The following HCFC2 variants were observed in gnomAD, a reference collection of about 807,000 sequenced individuals.
HCFC2 encodes the protein host cell factor C2.
In HCFC2, 18 loss-of-function variants were observed where a neutral mutation model predicts 89.2. The ratio of observed to expected loss-of-function variants is 0.20; its 90% confidence interval spans 0.14 to 0.30. The LOEUF (loss-of-function observed/expected upper bound fraction) is 0.30, where lower values mean the gene tolerates loss of function less well. Among genes scored for constraint, HCFC2 ranks in the 10% least tolerant of loss-of-function variants. HCFC2 has a pLI of 1.00. For synonymous variants in HCFC2, 308 were observed against 335.7 expected (o/e 0.92, Z 0.90); for missense variants, 578 against 956.1 (o/e 0.60, Z 5.21).
chr12:104,091,339 T>A (rs1037501536), intron 9 of HCFC2, among the ~76,000 whole-genome samples: 1 of 152,166 alleles, frequency 6.6e-6, no homozygotes, highest in East Asian at 1.9e-4. Flanking sequence ...AGCGTTTTCT[T>A]GTACTCTGCA....
intron 3 of HCFC2, among the ~76,000 whole-genome samples, chr12:104,073,394 A>C (rs1288094049): frequency 6.6e-6 from 1 of 151,052 alleles, no homozygotes; most frequent in Admixed American, 6.6e-5. Flanking sequence ...CGAACTCCTG[A>C]CCTCATGATC....
At chr12:104,085,131 CT>C (rs1352751224) in intron 7 of HCFC2, among the ~76,000 whole-genome samples, 1 of 152,042 alleles carries the variant, frequency 6.6e-6, no homozygotes, top group African/African-American at 2.4e-5. Flanking sequence ...AAATAGAAAA[CT>C]TGGAAGGACA....
At position 104,066,267 on chromosome 12, in the gene HCFC2, G is replaced by T. The variant is rs772892790; in HGVS notation, c.264G>T (p.Gly88=). 1 of 1,610,840 alleles carries T rather than the reference G, an allele frequency of 6.2e-7. No homozygotes were observed. Among genetic ancestry groups the T allele is most frequent in the Non-Finnish European group, 8.5e-7 (1 of 1,178,410 alleles). Residue 88 remains glycine (G), a synonymous_variant, in exon 2 of 15, where the codon GGG becomes GGT. Transcript: ENST00000229330. Reference sequence around the variant, plus strand: ...ATGGTACCAGAATATTAGTATTTGGGGGAATGGTTGAATATGGAAGATACA... The same window carrying T: ...ATGGTACCAGAATATTAGTATTTGGTGGAATGGTTGAATATGGAAGATACA... ...VCDGTRILVF[G]GMVEYGRYSN... is the part of the protein sequence containing the mutation.
At chr12:104,069,309 AAAACAAAC>A (rs764052376) in intron 3 of HCFC2, among the ~76,000 whole-genome samples, 1 of 152,170 alleles carries the variant, frequency 6.6e-6, no homozygotes, top group African/African-American at 2.4e-5. Context: ...TTATCTTAAA[AAAACAAAC>A]AAACAAACAA....
intron 13 of HCFC2, among the ~76,000 whole-genome samples, chr12:104,100,638 T>C (rs2029909370): frequency 6.6e-6 from 1 of 152,160 alleles, no homozygotes; most frequent in Non-Finnish European, 1.5e-5. Flanking sequence ...GATGTTCATT[T>C]TGAATCTCCC....
In HCFC2 at chr12:104,082,992, C is replaced by G. The variant is rs1359688030; in HGVS notation, c.1063+91C>G. On this transcript the variant is annotated intron_variant, in intron 7 of 14. Coordinates refer to ENST00000229330, the MANE Select transcript of HCFC2 (RefSeq NM_013320.3). Reference sequence around the variant, plus strand: ...AGACTTACTGTAAATGCTACTACCTCTTGTTTCCCATAATTAAGTATGAAT... The same window carrying G: ...AGACTTACTGTAAATGCTACTACCTGTTGTTTCCCATAATTAAGTATGAAT... 3 of 849,610 alleles carry G rather than the reference C, an allele frequency of 3.5e-6. No individual in the cohort carries two copies. The East Asian group carries it at 7.6e-5, about 21-fold the overall frequency. The allele number at this position is 849,610 out of a possible 1,614,324, so 52.6% of individuals were successfully genotyped here. A position where few individuals can be genotyped will look rare whatever the true frequency, so the allele number is the denominator to read the frequency against.
intron 9 of HCFC2, among the ~76,000 whole-genome samples, chr12:104,089,317 C>A (rs1040403856): frequency 6.6e-6 from 1 of 152,074 alleles, no homozygotes; most frequent in African/African-American, 2.4e-5. Flanking sequence ...TCGAGACTAT[C>A]CTGACTAACA....
At chr12:104,101,339 G>A (rs2029932783) in intron 13 of HCFC2, among the ~76,000 whole-genome samples, 1 of 152,138 alleles carries the variant, frequency 6.6e-6, no homozygotes. Flanking sequence ...ACAAAAATTA[G>A]TTGGGTGTGG....
intron 3 of HCFC2, among the ~76,000 whole-genome samples, chr12:104,069,828 T>A (rs1476885213): frequency 6.6e-6 from 1 of 152,128 alleles, no homozygotes; most frequent in Non-Finnish European, 1.5e-5. Flanking sequence ...TAGGTATTTG[T>A]CCTAATGCTC....
intron 13 of HCFC2, among the ~76,000 whole-genome samples, chr12:104,100,176 C>T (rs2029893727): frequency 6.6e-6 from 1 of 151,794 alleles, no homozygotes; most frequent in African/African-American, 2.4e-5. Context: ...TTCTGAAACC[C>T]CTTAAAGAGG....
chr12:104,074,807 C>A (rs1458178567), intron 3 of HCFC2, among the ~76,000 whole-genome samples: 1 of 152,028 alleles, frequency 6.6e-6, no homozygotes, highest in African/African-American at 2.4e-5. Context: ...ATTATGTTAT[C>A]CTTGAAAATG....
chr12:104,091,371 C>CTGGG, intron 9 of HCFC2, among the ~76,000 whole-genome samples: 1 of 152,222 alleles, frequency 6.6e-6, no homozygotes, highest in Non-Finnish European at 1.5e-5. Context: ...ACTGACTGCA[C>CTGGG]TGGGCCCTGG....
intron 3 of HCFC2, among the ~76,000 whole-genome samples, chr12:104,071,276 C>A (rs143939653): frequency 6.6e-6 from 1 of 152,320 alleles, no homozygotes; most frequent in East Asian, 1.9e-4. Context: ...TCTTTTGGAA[C>A]CTTTTTCATG....
rs539340808 is a variant in HCFC2, at chr12:104,070,790, G to C, written c.473+2683G>C. Reference sequence around the variant, plus strand: ...AAAATTATCCCACCACAGTAATCCGGATACTTTTTACTTTTTTTTTTTTTT... The same window carrying C: ...AAAATTATCCCACCACAGTAATCCGCATACTTTTTACTTTTTTTTTTTTTT... On this transcript the variant is annotated intron_variant, in intron 3 of 14. Transcript: ENST00000229330. 6.7e-5 allele frequency among the ~76,000 whole-genome samples: 10 copies of C among 150,196 alleles called. No homozygotes were observed. The East Asian group carries it at 1.9e-3, about 29-fold the overall frequency.
intron 3 of HCFC2, among the ~76,000 whole-genome samples, chr12:104,070,172 A>G (rs1016639135): frequency 6.6e-6 from 1 of 151,696 alleles, no homozygotes; most frequent in Non-Finnish European, 1.5e-5. Context: ...ACAGGCGCCC[A>G]CCACCACGCC....
Position 104,102,223 on chromosome 12 carries a change from C to A in HCFC2, c.2064+70C>A, listed in dbSNP as rs532912885. ...AAATTTCACATGTGAAGTAAACTGT[C>A]AGTTTAGAAATTCTTGTTACCATCT... On this transcript the variant is annotated intron_variant, in intron 14 of 14. Transcript: ENST00000229330. 1.4e-5 allele frequency: 19 copies of A among 1,333,488 alleles called. No homozygotes were observed. The African/African-American group carries it at 1.9e-4, about 13-fold the overall frequency. The allele number at this position is 1,333,488 out of a possible 1,614,324, so 82.6% of individuals were successfully genotyped here. A position where few individuals can be genotyped will look rare whatever the true frequency, so the allele number is the denominator to read the frequency against.
At chr12:104,094,638 G>T (rs1884122169) in intron 10 of HCFC2, among the ~76,000 whole-genome samples, 1 of 152,102 alleles carries the variant, frequency 6.6e-6, no homozygotes, top group African/African-American at 2.4e-5. Context: ...ATTGATGTTT[G>T]CCAGAATTAT....
intron 3 of HCFC2, among the ~76,000 whole-genome samples, chr12:104,069,216 G>A (rs1883244320): frequency 6.6e-6 from 1 of 152,178 alleles, no homozygotes; most frequent in African/African-American, 2.4e-5. Flanking sequence ...TGAGGTGAGA[G>A]GATTTCTTGA....
chr12:104,073,565 CCTT>C (rs1465219724), intron 3 of HCFC2, among the ~76,000 whole-genome samples: 3 of 152,120 alleles, frequency 2.0e-5, no homozygotes, highest in Non-Finnish European at 2.9e-5. Context: ...GAAAGACTCT[CCTT>C]CAGGAAAATT....
Sources: gnomAD v4.1 joint callset for allele counts (sites outside exome capture counted in the v4.1 genomes callset) on GRCh38, gnomAD v4.1.1 for gene constraint, MANE v1.5 for transcripts, NCBI Gene and HGNC (gene_info 2026-07-23, HGNC 2026-07-21) for gene names.